The following HVCN1 variants were observed in gnomAD, a reference collection of about 807,000 sequenced individuals.
HVCN1 encodes voltage-gated hydrogen channel 1.
HVCN1 carries 14 observed loss-of-function variants against 29.2 expected under a neutral mutation model. The ratio of observed to expected loss-of-function variants is 0.48; its 90% CI spans 0.32 to 0.75. The LOEUF is 0.75. Ranked by LOEUF, HVCN1 falls within the 30% of genes least tolerant of loss-of-function variation. HVCN1 has a pLI of 0.04. For synonymous variants in HVCN1, 131 were observed against 133.2 expected (o/e 0.98, Z 0.11); for missense variants, 263 against 341.8 (o/e 0.77, Z 1.82).
intron 6 of HVCN1, 149 bp from the exon 7 acceptor site, chr12:110,650,429 T>C: frequency 1.7e-6 from 1 of 583,562 alleles, no homozygotes; most frequent in Non-Finnish European, 3.1e-6. Flanking sequence ...AACTGGGAGG[T>C]CAGGGTTTTG....
At chr12:110,703,389 TA>T (rs957871348) in intron 1 of HVCN1, among the ~76,000 whole-genome samples, 11 of 146,836 alleles carry the variant, frequency 7.5e-5, no homozygotes, top group Non-Finnish European at 1.4e-4. Flanking sequence ...ATCCTGACTC[TA>T]AAAAAAAAGG....
At chr12:110,663,942 G>A (rs1245287573) in intron 3 of HVCN1, among the ~76,000 whole-genome samples, 1 of 151,884 alleles carries the variant, frequency 6.6e-6, no homozygotes, top group Non-Finnish European at 1.5e-5. Context: ...TTTTTAAAAA[G>A]AGGATCTCAC....
chr12:110,650,515 C>A (rs2136236952), intron 6 of HVCN1, among the ~76,000 whole-genome samples: 1 of 152,214 alleles, frequency 6.6e-6, no homozygotes, highest in Admixed American at 6.5e-5. Context: ...TAAAAATAAT[C>A]ACTGACAAGA....
intron 3 of HVCN1, among the ~76,000 whole-genome samples, chr12:110,668,264 G>A (rs755249181): frequency 1.3e-5 from 2 of 152,126 alleles, no homozygotes; most frequent in African/African-American, 4.8e-5. Context: ...CACTTTGGGA[G>A]GCCAAGATGG....
chr12:110,657,457 T>C (rs1192510462), intron 4 of HVCN1, among the ~76,000 whole-genome samples: 1 of 149,180 alleles, frequency 6.7e-6, no homozygotes, highest in Non-Finnish European at 1.5e-5. Flanking sequence ...ATCGCACCAT[T>C]GCAGTCCAGC....
chr12:110,668,839 C>T (rs1054414869), intron 3 of HVCN1, among the ~76,000 whole-genome samples: 4 of 152,182 alleles, frequency 2.6e-5, no homozygotes, highest in Admixed American at 6.5e-5. Flanking sequence ...CTGACGGTCC[C>T]ACACTCTTTG....
rs919210951 is a variant in HVCN1, at chr12:110,658,593, T to G, written c.306+2571A>C. On this transcript the variant is annotated intron_variant, in intron 4 of 7. Coordinates refer to ENST00000242607, the MANE Select transcript of HVCN1 (RefSeq NM_032369.4). The surrounding 1 kb of genome is among the most constrained non-coding windows in gnomAD (Gnocchi z 5.0). ...ATCCACCCATCGGGCTCACTCCTGC[T>G]CAGCATGCAGGTGTCACCTCCTTCG... 1.3e-5 allele frequency among the ~76,000 whole-genome samples: 2 copies of G among 152,072 alleles called. No homozygotes were observed. The highest frequency in any genetic ancestry group is 2.9e-5 in the Non-Finnish European group (2 of 67,996).
upstream of HVCN1, among the ~76,000 whole-genome samples, chr12:110,690,941 G>C (rs1207945038): frequency 6.6e-6 from 1 of 151,442 alleles, no homozygotes; most frequent in East Asian, 1.9e-4. Context: ...TTTTAGTAGA[G>C]ACAGGGTTTC....
intron 3 of HVCN1, chr12:110,683,010 G>A: frequency 1.7e-6 from 1 of 600,360 alleles, no homozygotes; most frequent in South Asian, 1.9e-5. Context: ...TTAACATACA[G>A]GGCTGGGATT....
rs1237833659 is a variant in HVCN1, at chr12:110,661,199, T to C, written c.271A>G (p.Met91Val). ...TGGGAGCTGAACAGTTTCCTCAACA[T>C]GCCCCTGAAGTCAAGGGGGGCCCTG... ...APRAPLDFRG[M>V]LRKLFSSHRF... is the part of the protein sequence containing the mutation. The change falls in exon 4 of 8, where the codon ATG becomes GTG. Residue 91 changes from methionine to valine, a missense_variant. Met to Val is a conservative substitution (Grantham distance 21). Coordinates refer to ENST00000242607, the MANE Select transcript of HVCN1 (RefSeq NM_032369.4). The surrounding 1 kb of genome is among the most constrained non-coding windows in gnomAD (Gnocchi z 6.2). 3 of 1,612,444 alleles carry C rather than the reference T, an allele frequency of 1.9e-6. No homozygotes were observed. Among genetic ancestry groups the C allele is most frequent in the Non-Finnish European group, 2.5e-6 (3 of 1,178,856 alleles).
At position 110,665,076 on chromosome 12, in the gene HVCN1, C is replaced by A. The variant is rs79433027; in HGVS notation, c.22-3628G>T. On this transcript the variant is annotated intron_variant, in intron 3 of 7. Coordinates refer to ENST00000242607, the MANE Select transcript of HVCN1 (RefSeq NM_032369.4). Reference sequence around the variant, plus strand: ...CATCCCAACAAAGCTTAAAAATAAGCCTTGAAATGAACAAACTGATCCCCA... The same window carrying A: ...CATCCCAACAAAGCTTAAAAATAAGACTTGAAATGAACAAACTGATCCCCA... Among the ~76,000 whole-genome samples the A allele has an allele frequency of 1.2e-3, 181 of 152,194 alleles. 4 individuals carry two copies. In the East Asian group the frequency reaches 0.033, roughly 27 times the overall value.
intron 5 of HVCN1, among the ~76,000 whole-genome samples, chr12:110,654,471 CTT>C (rs1199046571): frequency 4.1e-4 from 46 of 112,512 alleles, no homozygotes; most frequent in African/African-American, 9.5e-4. Flanking sequence ...GGGGGAAATG[CTT>C]TTTTTTTTTT....
chr12:110,698,467 C>T (rs191469523), intron 2 of HVCN1, among the ~76,000 whole-genome samples: 17 of 152,356 alleles, frequency 1.1e-4, no homozygotes, highest in Admixed American at 9.8e-4. Context: ...CTCCACACCT[C>T]GGTTCCGCCC....
At chr12:110,686,086 T>C (rs777832909) in intron 2 of HVCN1, among the ~76,000 whole-genome samples, 2 of 151,734 alleles carry the variant, frequency 1.3e-5, no homozygotes, top group Non-Finnish European at 2.9e-5. Context: ...GCAACCTCTG[T>C]CTCCCAGGTT....
At chr12:110,666,270 A>G (rs2068349705) in intron 3 of HVCN1, among the ~76,000 whole-genome samples, 1 of 151,240 alleles carries the variant, frequency 6.6e-6, no homozygotes, top group Non-Finnish European at 1.5e-5. Context: ...AAAATACAAA[A>G]AAATTAGCCA....
chr12:110,684,569 C>A (rs537014928), intron 2 of HVCN1, among the ~76,000 whole-genome samples: 7 of 152,264 alleles, frequency 4.6e-5, no homozygotes, highest in African/African-American at 1.4e-4. Flanking sequence ...TACAGGATGA[C>A]CCCATCTAAG....
chr12:110,655,072 T>C (rs780108311), intron 5 of HVCN1, among the ~76,000 whole-genome samples, 162 bp downstream of exon 5: 2 of 151,994 alleles, frequency 1.3e-5, no homozygotes, highest in African/African-American at 2.4e-5. Flanking sequence ...TTGTAGTAAA[T>C]GCTAATCCAT....
At chr12:110,692,691 T>G (rs1408201090), upstream of HVCN1, among the ~76,000 whole-genome samples, 1 of 151,956 alleles carries the variant, frequency 6.6e-6, no homozygotes, top group African/African-American at 2.4e-5. Context: ...ACCACAGCAC[T>G]CCAGCCTGGG....
intron 2 of HVCN1, among the ~76,000 whole-genome samples, chr12:110,700,243 CAGATAAGAA>C (rs1206006061): frequency 6.6e-6 from 1 of 152,230 alleles, no homozygotes; most frequent in Non-Finnish European, 1.5e-5. Flanking sequence ...AGTTATGGTA[CAGATAAGAA>C]AGACAAGGCT....
Sources: gnomAD v4.1 joint callset for allele counts (sites outside exome capture counted in the v4.1 genomes callset) on GRCh38, gnomAD v4.1.1 for gene constraint, Gnocchi (gnomAD v3.1) non-coding constraint, MANE v1.5 for transcripts, NCBI Gene and HGNC (gene_info 2026-07-23, HGNC 2026-07-21) for gene names.